PCDH15: variants seen among roughly 807,000 people sequenced by gnomAD.
The protein encoded by PCDH15 is protocadherin related 15.
Under a neutral mutation model 178.5 loss-of-function variants are expected in PCDH15, and 129 were observed. That is an observed-to-expected ratio of 0.72 (90% CI 0.63 to 0.84). PCDH15 has a LOEUF of 0.84. PCDH15 is among the 40% of genes least tolerant of loss of function. The probability of loss-of-function intolerance (pLI) is 0.00; values close to 1 mark genes in which losing one functional copy is unlikely to be tolerated. For missense variants in PCDH15, 2,230 were observed against 2,099.9 expected (o/e 1.06, Z -1.21); for synonymous variants, 800 against 732.0 (o/e 1.09, Z -1.50).
intron 3 of PCDH15, among the ~76,000 whole-genome samples, chr10:54,869,807 C>T (rs533296276): frequency 2.6e-5 from 4 of 152,088 alleles, no homozygotes; most frequent in Non-Finnish European, 5.9e-5. Context: ...GATCTTTCTC[C>T]CCCTTCACAG....
At chr10:55,139,069 G>A (rs1838278843) in intron 2 of PCDH15, among the ~76,000 whole-genome samples, 1 of 151,774 alleles carries the variant, frequency 6.6e-6, no homozygotes, top group Non-Finnish European at 1.5e-5. Flanking sequence ...TTCCTCAATG[G>A]CTAATAATGT....
chr10:54,129,514 A>G (rs887155381), intron 15 of PCDH15, among the ~76,000 whole-genome samples: 3 of 152,220 alleles, frequency 2.0e-5, no homozygotes, highest in African/African-American at 7.2e-5. Flanking sequence ...AGTGTGAGTA[A>G]GAAATATATA....
intron 1 of PCDH15, among the ~76,000 whole-genome samples, chr10:55,298,728 G>A (rs1185484444): frequency 6.6e-6 from 1 of 152,040 alleles, no homozygotes; most frequent in African/African-American, 2.4e-5. Context: ...CTACCAGCGT[G>A]TGCCACCACA....
At chr10:53,947,925 A>C (rs2086709181) in intron 23 of PCDH15, among the ~76,000 whole-genome samples, 6 of 152,192 alleles carry the variant, frequency 3.9e-5, no homozygotes. Flanking sequence ...TCCTTTGCTT[A>C]AATTATTATA....
chr10:54,014,596 G>A (rs2092686913), intron 20 of PCDH15, among the ~76,000 whole-genome samples: 1 of 152,154 alleles, frequency 6.6e-6, no homozygotes, highest in South Asian at 2.1e-4. Flanking sequence ...GGGATGCAAG[G>A]TTGGTTCAAT....
intron 15 of PCDH15, among the ~76,000 whole-genome samples, chr10:54,096,325 AT>A (rs1328484249): frequency 2.0e-5 from 3 of 151,892 alleles, no homozygotes; most frequent in Non-Finnish European, 4.4e-5. Flanking sequence ...CTGCCAGATT[AT>A]TCTTCTGGAA....
At chr10:55,391,512 A>C (rs771900195) in intron 2 of PCDH15, among the ~76,000 whole-genome samples, 4 of 151,892 alleles carry the variant, frequency 2.6e-5, no homozygotes, top group Non-Finnish European at 4.4e-5. Context: ...GGGGGGATGG[A>C]GTCTTGCCCT....
intron 3 of PCDH15, among the ~76,000 whole-genome samples, chr10:54,478,820 GT>G (rs1475127790): frequency 6.6e-6 from 1 of 151,984 alleles, no homozygotes. Context: ...AAAAAAATCT[GT>G]GCAAATGGCA....
intron 21 of PCDH15, among the ~76,000 whole-genome samples, chr10:53,970,675 G>A (rs2446606): frequency 0.71 from 106,950 of 151,634 alleles, 38,092 homozygotes; most frequent in East Asian, 0.87. Context: ...ATGCAAATAA[G>A]CTAGAAAGTC....
chr10:54,209,504 T>C lies in PCDH15; in HGVS notation c.1098+4432A>G, dbSNP rs114789465. 6.2e-3 allele frequency among the ~76,000 whole-genome samples: 937 copies of C among 152,136 alleles called. 9 individuals carry two copies. The highest frequency in any genetic ancestry group is 0.019 in the African/African-American group (772 of 41,524). ...ACGAGAGAAGAGACCTTTGAGGAAGTGGAAGTGTCTAGCTTGAGTGGGTGA... is the reference window on the plus strand; with the variant it reads ...ACGAGAGAAGAGACCTTTGAGGAAGCGGAAGTGTCTAGCTTGAGTGGGTGA... On this transcript the variant is annotated intron_variant, in intron 10 of 37. Transcript: ENST00000644397.
intron 30 of PCDH15, among the ~76,000 whole-genome samples, chr10:53,829,813 C>T (rs11003869): frequency 6.6e-6 from 1 of 151,742 alleles, no homozygotes; most frequent in African/African-American, 2.4e-5. Context: ...ACTTTGAAAA[C>T]GGAGCTAGAA....
At chr10:55,129,645 G>A (rs1209059467) in intron 2 of PCDH15, among the ~76,000 whole-genome samples, 1 of 152,062 alleles carries the variant, frequency 6.6e-6, no homozygotes, top group African/African-American at 2.4e-5. Context: ...AGTTAGGATA[G>A]TCTTTCTGTA....
intron 3 of PCDH15, among the ~76,000 whole-genome samples, chr10:54,430,046 CTCCT>C (rs1329356889): frequency 2.2e-5 from 3 of 135,986 alleles, no homozygotes; most frequent in Non-Finnish European, 4.7e-5. Context: ...TTTCCTTCTT[CTCCT>C]TTTTTTTTTT....
At chr10:55,162,720 C>T (rs1372976223) in intron 2 of PCDH15, among the ~76,000 whole-genome samples, 3 of 152,050 alleles carry the variant, frequency 2.0e-5, no homozygotes, top group Non-Finnish European at 4.4e-5. Flanking sequence ...GTCTGGATTG[C>T]GACCTCTTTC....
intron 18 of PCDH15, among the ~76,000 whole-genome samples, chr10:54,039,669 A>G (rs115381266): frequency 0.011 from 1,666 of 152,100 alleles, 35 homozygotes; most frequent in African/African-American, 0.039. Flanking sequence ...TCATTTCAAA[A>G]TAAATCTATA....
chr10:55,195,726 T>C (rs1032853716), intron 1 of PCDH15, among the ~76,000 whole-genome samples: 23 of 151,234 alleles, frequency 1.5e-4, no homozygotes, highest in Non-Finnish European at 2.9e-4. Context: ...TCTAATAATA[T>C]AACTATCAAA....
At chr10:54,287,528 T>C (rs2059106142) in intron 8 of PCDH15, among the ~76,000 whole-genome samples, 1 of 152,194 alleles carries the variant, frequency 6.6e-6, no homozygotes, top group Admixed American at 6.5e-5. Flanking sequence ...GTCTCTCTCA[T>C]CAGAGGTTTT....
intron 2 of PCDH15, among the ~76,000 whole-genome samples, chr10:55,429,814 T>G (rs1034695632): frequency 6.6e-6 from 1 of 152,176 alleles, no homozygotes; most frequent in Non-Finnish European, 1.5e-5. Flanking sequence ...GTAATTATTT[T>G]TAATAAGTAA....
chr10:53,838,433 G>A (rs1445742698), intron 29 of PCDH15, among the ~76,000 whole-genome samples: 1 of 126,700 alleles, frequency 7.9e-6, no homozygotes, highest in Non-Finnish European at 1.6e-5. Flanking sequence ...GTATTTCATG[G>A]TGTCACTTAA....
Sources: allele counts gnomAD v4.1 joint callset (sites outside exome capture counted in the v4.1 genomes callset), GRCh38; gene constraint gnomAD v4.1.1; transcripts MANE v1.5; gene names NCBI Gene and HGNC (gene_info 2026-07-23, HGNC 2026-07-21).